Variants in TAF4 observed in about 807,000 individuals in gnomAD.
TAF4 encodes the protein TATA-box binding protein associated factor 4, also known as transcription initiation factor TFIID subunit 4.
In TAF4, 9 loss-of-function variants were observed where a neutral mutation model predicts 90.3. The observed-to-expected ratio is 0.10, with a 90% CI of 0.06 to 0.17. TAF4 has a LOEUF of 0.17. TAF4 is among the 10% of genes least tolerant of loss of function. The pLI is 1.00. For synonymous variants in TAF4, 818 were observed against 638.9 expected, an observed-to-expected ratio of 1.28 and a Z score of -4.23; for missense variants, 1,351 against 1,370.7, an observed-to-expected ratio of 0.99 and a Z score of 0.23.
intron 14 of TAF4, among the ~76,000 whole-genome samples, chr20:61,989,307 G>A (rs149665542): frequency 1.4e-4 from 2 of 14,724 alleles, no homozygotes; most frequent in African/African-American, 1.1e-3. Flanking sequence ...GAGGAACCAG[G>A]GGAAGCTGCA....
At chr20:62,050,054 G>A (rs994553531) in intron 1 of TAF4, among the ~76,000 whole-genome samples, 6 of 152,102 alleles carry the variant, frequency 3.9e-5, no homozygotes, top group Non-Finnish European at 7.4e-5. Flanking sequence ...ACTGTCACAC[G>A]CTGGAGTTGT....
intron 14 of TAF4, among the ~76,000 whole-genome samples, chr20:61,987,541 A>G (rs2055600527): frequency 1.3e-5 from 2 of 152,202 alleles, no homozygotes; most frequent in Admixed American, 1.3e-4. Context: ...CACACCTACT[A>G]GAGCGGCCAA....
chr20:62,026,491 G>T (rs1345872650), intron 1 of TAF4, among the ~76,000 whole-genome samples: 1 of 152,174 alleles, frequency 6.6e-6, no homozygotes, highest in Non-Finnish European at 1.5e-5. Context: ...GATGGAAAAG[G>T]GATCCCCCAA....
chr20:62,009,624 C>T (rs1453151760), intron 4 of TAF4, among the ~76,000 whole-genome samples: 1 of 152,210 alleles, frequency 6.6e-6, no homozygotes, highest in Non-Finnish European at 1.5e-5. Flanking sequence ...CGATACAGGC[C>T]GACACTGTGT....
At chr20:62,001,850 T>C (rs2055706674) in intron 9 of TAF4, among the ~76,000 whole-genome samples, 1 of 144,528 alleles carries the variant, frequency 6.9e-6, no homozygotes, top group South Asian at 2.1e-4. Context: ...AATCAGCCTT[T>C]TCTCTCAGGA....
intron 14 of TAF4, among the ~76,000 whole-genome samples, chr20:61,991,677 A>T (rs1043592947): frequency 6.6e-6 from 1 of 152,190 alleles, no homozygotes; most frequent in African/African-American, 2.4e-5. Flanking sequence ...CAGGCAAAGA[A>T]GATACAACAC....
At chr20:62,049,005 T>C (rs1201844967) in intron 1 of TAF4, among the ~76,000 whole-genome samples, 1 of 112,990 alleles carries the variant, frequency 8.9e-6, no homozygotes, top group African/African-American at 3.4e-5. Flanking sequence ...TCTCCCCACA[T>C]GCCCACCTCG....
In TAF4 at chr20:62,064,434, C is replaced by G. The variant is rs1194129886; in HGVS notation, c.1360+17G>C. 2.2e-6 allele frequency: 3 copies of G among 1,342,126 alleles called. No individual in the cohort carries two copies. Among genetic ancestry groups the G allele is most frequent in the Non-Finnish European group, 2.9e-6 (3 of 1,039,158 alleles). 83.1% of individuals were successfully genotyped at this position (1,342,126 alleles called of 1,614,324 possible). Reference sequence around the variant, plus strand: ...GCTGGGAGCCGCCCTTCCCTCCCGCCCCGTGCGGCCACTCACCTGGGGGCA... The same window carrying G: ...GCTGGGAGCCGCCCTTCCCTCCCGCGCCGTGCGGCCACTCACCTGGGGGCA... On this transcript the variant is annotated intron_variant, in intron 1 of 14. Transcript: ENST00000252996.
At chr20:62,009,779 G>A (rs918733301) in intron 4 of TAF4, among the ~76,000 whole-genome samples, 3 of 152,208 alleles carry the variant, frequency 2.0e-5, no homozygotes, top group Non-Finnish European at 4.4e-5. Flanking sequence ...CATACAACGC[G>A]ACAGTGCACC....
intron 3 of TAF4, chr20:62,012,236 G>C (rs964729320): frequency 6.6e-6 from 1 of 152,452 alleles, no homozygotes; most frequent in African/African-American, 2.4e-5. Flanking sequence ...AGGTGGCAGC[G>C]TGGCGTGGCA....
chr20:62,065,072 C>T lies in TAF4; in HGVS notation c.739G>A (p.Ala247Thr), dbSNP rs1177528202. The T allele has an allele frequency of 9.1e-6, 8 of 876,918 alleles. No homozygotes were observed. Among genetic ancestry groups the T allele is most frequent in the Middle Eastern group, 6.0e-4 (1 of 1,678 alleles). 54.3% of individuals were successfully genotyped at this position (876,918 alleles called of 1,614,324 possible). A position where few individuals can be genotyped will look rare whatever the true frequency, so the allele number is the denominator to read the frequency against. ...GGCGCGGCGGGCGCGGGGGGCGCGG[C>T]GGCGCCCACGAAGGGGGGCGTCTGG... is the stretch of plus-strand genomic sequence containing the variant. ...VIQTPPFVGA[A>T]APPAPAAPSP... Residue 247 changes from alanine to threonine, a missense_variant, in exon 1 of 15, where the codon GCC becomes ACC. Ala to Thr is a moderately conservative substitution (Grantham distance 58). Coordinates refer to ENST00000252996, the MANE Select transcript of TAF4 (RefSeq NM_003185.4).
intron 1 of TAF4, among the ~76,000 whole-genome samples, chr20:62,035,115 C>T (rs997780757): frequency 3.5e-4 from 54 of 152,260 alleles, no homozygotes; most frequent in African/African-American, 8.4e-4. Context: ...CCACCGCACC[C>T]GGCCCATAGA....
chr20:61,999,996 G>A (rs971228924), intron 11 of TAF4, 128 bp downstream of exon 11: 30 of 1,153,200 alleles, frequency 2.6e-5, no homozygotes, highest in South Asian at 6.6e-5. Flanking sequence ...TCCAAAACAC[G>A]TTCGTAAGGA....
At chr20:61,981,987 A>C (rs1287042217) in intron 14 of TAF4, among the ~76,000 whole-genome samples, 26 of 145,048 alleles carry the variant, frequency 1.8e-4, no homozygotes, top group African/African-American at 6.4e-4. Context: ...CACCCACCCG[A>C]GAGGAGACAC....
Position 62,003,200 on chromosome 20 carries a change from G to C in TAF4, c.2446C>G (p.Gln816Glu). The C allele has an allele frequency of 6.2e-7, 1 of 1,614,160 alleles. No homozygotes were observed. The highest frequency in any genetic ancestry group is 1.1e-5 in the South Asian group (1 of 91,088). The change falls in exon 9 of 15, where the codon CAG becomes GAG. Residue 816 changes from glutamine to glutamate, a missense_variant. This residue lies in a region of TAF4 where 202 missense variants were observed against 229.7 expected (regional missense o/e 0.88). Coordinates refer to ENST00000252996, the MANE Select transcript of TAF4 (RefSeq NM_003185.4). ...SAVSAQAAAA[Q>E]KNKLKEPGGG... ...CCAGGCTCCTTGAGTTTATTTTTCT[G>C]TGCAGCAGCTGCTTGTGCCGAGACA...
chr20:62,012,716 TAAAAAA>T, intron 3 of TAF4, 93 bp downstream of exon 3: 1 of 1,118,176 alleles, frequency 8.9e-7, no homozygotes, highest in Non-Finnish European at 1.2e-6. Context: ...GTATCCAGTT[TAAAAAA>T]AAAAAAAAAC....
chr20:61,983,770 G>A (rs2055564942), intron 14 of TAF4, among the ~76,000 whole-genome samples: 3 of 152,278 alleles, frequency 2.0e-5, no homozygotes, highest in East Asian at 3.9e-4. Context: ...CCTATTAAAA[G>A]AGAAAGATTT....
intron 1 of TAF4, among the ~76,000 whole-genome samples, chr20:62,038,263 G>C (rs1430064153): frequency 6.6e-6 from 1 of 150,960 alleles, no homozygotes; most frequent in African/African-American, 2.4e-5. Context: ...TCCTGACCTC[G>C]TGATCCACCA....
At chr20:62,047,257 T>C (rs981765314) in intron 1 of TAF4, among the ~76,000 whole-genome samples, 2 of 152,188 alleles carry the variant, frequency 1.3e-5, no homozygotes, top group Non-Finnish European at 2.9e-5. Context: ...CTATGGTAGC[T>C]ACCACTGCAA....
Sources: allele counts gnomAD v4.1 joint callset (sites outside exome capture counted in the v4.1 genomes callset), GRCh38; gene constraint gnomAD v4.1.1; regional missense constraint gnomAD v4.1.1; transcripts MANE v1.5; gene names NCBI Gene and HGNC (gene_info 2026-07-23, HGNC 2026-07-21).